Variants in TMCO4 observed in about 807,000 individuals in gnomAD.
TMCO4 encodes the protein transmembrane and coiled-coil domain-containing protein 4.
In TMCO4, 58 loss-of-function variants were observed where a neutral mutation model predicts 64.7. The observed-to-expected ratio is 0.90, with a 90% CI of 0.73 to 1.12. TMCO4 has a LOEUF of 1.12. Among genes scored for constraint, TMCO4 ranks in the 50% most tolerant of loss-of-function variants. The pLI, the probability that TMCO4 is intolerant of heterozygous loss-of-function variation, is 0.00. For missense variants in TMCO4, 780 were observed against 825.9 expected, an observed-to-expected ratio of 0.94 and a Z score of 0.68; for synonymous variants, 325 against 346.1, an observed-to-expected ratio of 0.94 and a Z score of 0.68.
intron 6 of TMCO4, among the ~76,000 whole-genome samples, chr1:19,769,585 G>A (rs1035558605): frequency 6.6e-6 from 1 of 152,170 alleles, no homozygotes; most frequent in African/African-American, 2.4e-5. Flanking sequence ...CTTCTATGTT[G>A]TGTTTCCTCC....
intron 13 of TMCO4, among the ~76,000 whole-genome samples, chr1:19,723,475 G>C (rs1570764065): frequency 6.6e-6 from 1 of 152,176 alleles, no homozygotes; most frequent in African/African-American, 2.4e-5. Context: ...GGGTTACTGG[G>C]TCCTAGCTTA....
chr1:19,775,684 A>G (rs1430831077), intron 4 of TMCO4, among the ~76,000 whole-genome samples: 2 of 152,246 alleles, frequency 1.3e-5, no homozygotes, highest in South Asian at 2.1e-4. Flanking sequence ...CCTTGGCAGA[A>G]GACGTCTGTC....
intron 6 of TMCO4, 85 bp from the exon 7 acceptor site, chr1:19,755,851 A>G (rs558090385): frequency 6.5e-7 from 1 of 1,530,408 alleles, no homozygotes; most frequent in Non-Finnish European, 9.0e-7. Flanking sequence ...TAAAACCCAC[A>G]CTAGAAACAG....
chr1:19,715,610 G>A (rs1375972848), intron 13 of TMCO4, among the ~76,000 whole-genome samples: 1 of 152,246 alleles, frequency 6.6e-6, no homozygotes, highest in Non-Finnish European at 1.5e-5. Context: ...TCAGGATATA[G>A]GAGCAGCTGC....
intron 4 of TMCO4, 45 bp from the exon 5 acceptor site, chr1:19,771,527 A>T: frequency 6.3e-7 from 1 of 1,593,598 alleles, no homozygotes; most frequent in Non-Finnish European, 8.5e-7. Flanking sequence ...CTCAGAGCTC[A>T]GCCTCCACTG....
chr1:19,743,315 G>A lies in TMCO4; in HGVS notation c.877+2217C>T, dbSNP rs2041613774. On this transcript the variant is annotated intron_variant, in intron 10 of 15. Transcript: ENST00000294543. This position sits in a 1 kb window ranked among gnomAD's most constrained non-coding sequence, Gnocchi z 4.1. Reference sequence around the variant, plus strand: ...TGAGCCAGTGCATAGGAAGGGCTTGGTGGTTGGCTACAAAGTTTTTATCTT... The same window carrying A: ...TGAGCCAGTGCATAGGAAGGGCTTGATGGTTGGCTACAAAGTTTTTATCTT... 6.6e-6 allele frequency among the ~76,000 whole-genome samples: 1 copy of A among 152,202 alleles called. No homozygotes were observed. The highest frequency in any genetic ancestry group is 1.5e-5 in the Non-Finnish European group (1 of 68,048).
intron 6 of TMCO4, among the ~76,000 whole-genome samples, chr1:19,767,076 A>G (rs1449070980): frequency 6.6e-6 from 1 of 152,168 alleles, no homozygotes; most frequent in Non-Finnish European, 1.5e-5. Flanking sequence ...TTTAGATATG[A>G]GGTATTATTA....
Position 19,720,962 on chromosome 1 carries a change from A to C in TMCO4, c.1264+16410T>G, listed in dbSNP as rs78227634. On this transcript the variant is annotated intron_variant, in intron 13 of 15. Transcript: ENST00000294543. ...TTAGATACGAGGAAAGAAAAAAAAA[A>C]CAGTTTCCATTACAGAGTGCTGGGA... Among the ~76,000 whole-genome samples the C allele has an allele frequency of 5.6e-3, 848 of 152,208 alleles. 7 individuals carry two copies. Among genetic ancestry groups the C allele is most frequent in the Non-Finnish European group, 9.8e-3 (667 of 68,002 alleles).
chr1:19,771,632 C>T (rs955176557), intron 4 of TMCO4, 150 bp from the exon 5 acceptor site: 1 of 759,352 alleles, frequency 1.3e-6, no homozygotes, highest in Admixed American at 3.3e-5. Context: ...AGTCAAAGAC[C>T]TCATCTTGGG....
At chr1:19,772,828 G>C (rs183474854) in intron 4 of TMCO4, among the ~76,000 whole-genome samples, 1 of 152,340 alleles carries the variant, frequency 6.6e-6, no homozygotes, top group Admixed American at 6.5e-5. Flanking sequence ...TGCACCACAT[G>C]ACCCAGCTAT....
chr1:19,739,879 T>A lies in TMCO4; in HGVS notation c.1124A>T (p.His375Leu). The A allele has an allele frequency of 1.2e-6, 2 of 1,613,912 alleles. No individual in the cohort carries two copies. The highest frequency in any genetic ancestry group is 1.7e-6 in the Non-Finnish European group (2 of 1,179,944). ...GTGCTTGCCAACCTCTGCTGATCGATGGAGACACACCCCCCAGGGGTTGTC... is the reference window on the plus strand; with the variant it reads ...GTGCTTGCCAACCTCTGCTGATCGAAGGAGACACACCCCCCAGGGGTTGTC... ...VIDNPWGVCL[H>L]RSAEVGKHLA... Residue 375 changes from histidine (H) to leucine (L), a missense_variant, in exon 12 of 16, where the codon CAT becomes CTT. His to Leu is a moderately conservative substitution (Grantham distance 99). Coordinates refer to ENST00000294543, the MANE Select transcript of TMCO4 (RefSeq NM_181719.7).
rs370798294 is a variant in TMCO4 at position 19,772,369 on chromosome 1, C to T, written c.180-887G>A. On this transcript the variant is annotated intron_variant, in intron 4 of 15. Coordinates refer to ENST00000294543, the MANE Select transcript of TMCO4 (RefSeq NM_181719.7). ...GAAGTGAAGGGAAGAGTGCCCTCCACGTGCACTGCCACCGCCAGTCTCTGT... is the reference window on the plus strand; with the variant it reads ...GAAGTGAAGGGAAGAGTGCCCTCCATGTGCACTGCCACCGCCAGTCTCTGT... Among the ~76,000 whole-genome samples the T allele has an allele frequency of 2.0e-3, 291 of 147,702 alleles. 1 individual carries two copies. Among genetic ancestry groups the T allele is most frequent in the Middle Eastern group, 0.014 (4 of 292 alleles).
At chr1:19,779,168 A>G (rs995653900) in intron 4 of TMCO4, among the ~76,000 whole-genome samples, 4 of 152,220 alleles carry the variant, frequency 2.6e-5, no homozygotes, top group African/African-American at 9.6e-5. Context: ...CTGCAGATGC[A>G]AGAGCTTCTC....
chr1:19,736,793 A>G (rs1323020138), intron 13 of TMCO4, among the ~76,000 whole-genome samples: 8 of 152,208 alleles, frequency 5.3e-5, no homozygotes, highest in Admixed American at 3.3e-4. Context: ...CCCCCAGAAG[A>G]TATGTCCACC....
At chr1:19,745,805 G>A (rs1334379509) in intron 9 of TMCO4, among the ~76,000 whole-genome samples, 154 bp from the exon 10 acceptor site, 2 of 152,182 alleles carry the variant, frequency 1.3e-5, no homozygotes, top group Non-Finnish European at 2.9e-5. Context: ...ATTAAGGTAG[G>A]TGCCACTATT....
intron 7 of TMCO4, among the ~76,000 whole-genome samples, chr1:19,748,161 A>G (rs937427051): frequency 6.6e-6 from 1 of 152,202 alleles, no homozygotes; most frequent in Non-Finnish European, 1.5e-5. Context: ...CTCCCCATGA[A>G]CTGTGAGGAT....
intron 2 of TMCO4, among the ~76,000 whole-genome samples, chr1:19,789,178 G>C (rs2043902284): frequency 6.6e-6 from 1 of 152,102 alleles, no homozygotes; most frequent in African/African-American, 2.4e-5. Flanking sequence ...GAGGCAGGCA[G>C]TTCACCTGAG....
At chr1:19,685,951 T>C (rs1205041630) in intron 15 of TMCO4, among the ~76,000 whole-genome samples, 1 of 151,748 alleles carries the variant, frequency 6.6e-6, no homozygotes, top group Non-Finnish European at 1.5e-5. Context: ...ATGGTCTTGA[T>C]CTCCTGACCT....
chr1:19,737,848 C>G (rs577060669), intron 12 of TMCO4, among the ~76,000 whole-genome samples: 12 of 152,358 alleles, frequency 7.9e-5, no homozygotes, highest in African/African-American at 2.9e-4. Context: ...CCTTCCGGAG[C>G]TGGGGAGATT....
Sources: gnomAD v4.1 joint callset for allele counts (sites outside exome capture counted in the v4.1 genomes callset) on GRCh38, gnomAD v4.1.1 for gene constraint, Gnocchi (gnomAD v3.1) non-coding constraint, MANE v1.5 for transcripts, NCBI Gene and HGNC (gene_info 2026-07-23, HGNC 2026-07-21) for gene names.